The following LAMA2 variants were observed in gnomAD, a reference collection of about 807,000 sequenced individuals.
LAMA2 encodes laminin subunit alpha-2.
LAMA2 carries 269 observed loss-of-function variants against 364.8 expected under a neutral mutation model. The ratio of observed to expected loss-of-function variants is 0.74; its 90% CI spans 0.67 to 0.82. The LOEUF is 0.82. Ranked by LOEUF, LAMA2 falls within the 40% of genes least tolerant of loss-of-function variation. The probability of loss-of-function intolerance (pLI) is 0.00; values close to 1 mark genes in which losing one functional copy is unlikely to be tolerated. For synonymous variants in LAMA2, 1,379 were observed against 1,370.6 expected, an observed-to-expected ratio of 1.01 and a Z score of -0.14; for missense variants, 3,807 against 3,873.2, an observed-to-expected ratio of 0.98 and a Z score of 0.45.
intron 12 of LAMA2, among the ~76,000 whole-genome samples, chr6:129,237,510 A>G (rs1785072727): frequency 6.6e-6 from 1 of 151,624 alleles, no homozygotes; most frequent in Admixed American, 6.6e-5. Flanking sequence ...TAATTTTTGT[A>G]TTTTTAGTAG....
chr6:129,066,459 A>G (rs1789360938), intron 3 of LAMA2, among the ~76,000 whole-genome samples: 1 of 152,210 alleles, frequency 6.6e-6, no homozygotes, highest in Non-Finnish European at 1.5e-5. Flanking sequence ...TAAATGGGAA[A>G]ACATCCTGTG....
At chr6:129,154,922 A>C (rs1226295261) in intron 8 of LAMA2, among the ~76,000 whole-genome samples, 2 of 152,194 alleles carry the variant, frequency 1.3e-5, no homozygotes, top group Non-Finnish European at 2.9e-5. Context: ...GTGGACCCCT[A>C]GGCAAACTCT....
intron 27 of LAMA2, among the ~76,000 whole-genome samples, chr6:129,316,389 T>A (rs1185978933): frequency 6.6e-6 from 1 of 151,678 alleles, no homozygotes; most frequent in African/African-American, 2.4e-5. Flanking sequence ...GAAAAAAAAA[T>A]ATGGAATTCA....
At position 129,177,774 on chromosome 6, in the gene LAMA2, G is replaced by A. The variant is rs2115016148; in HGVS notation, c.1375G>A (p.Gly459Ser). 6.2e-7 allele frequency: 1 copy of A among 1,613,958 alleles called. No homozygotes were observed. The highest frequency in any genetic ancestry group is 2.2e-5 in the East Asian group (1 of 44,870). The change falls in exon 10 of 65, where the codon GGC (glycine) becomes AGC (serine). Residue 459 changes from glycine to serine, a missense_variant. Gly to Ser is a moderately conservative substitution (Grantham distance 56). Coordinates refer to ENST00000421865, the MANE Select transcript of LAMA2 (RefSeq NM_000426.4). ...GGVSCDRCAR[G>S]YTGYPDCKAC... Reference sequence around the variant, plus strand: ...TGTGAGCTGTGATCGGTGTGCCAGGGGCTACACTGGCTACCCGGACTGCAA... The same window carrying A: ...TGTGAGCTGTGATCGGTGTGCCAGGAGCTACACTGGCTACCCGGACTGCAA...
At chr6:129,513,761 G>C (rs1310459983) in intron 63 of LAMA2, among the ~76,000 whole-genome samples, 1 of 152,092 alleles carries the variant, frequency 6.6e-6, no homozygotes, top group African/African-American at 2.4e-5. Flanking sequence ...AGAACTTCTA[G>C]TCTAAGTTCT....
At chr6:129,423,868 T>C (rs1174024226) in intron 40 of LAMA2, among the ~76,000 whole-genome samples, 2 of 152,080 alleles carry the variant, frequency 1.3e-5, no homozygotes, top group Non-Finnish European at 2.9e-5. Flanking sequence ...GCAATCCCAG[T>C]AAAAATCCTA....
At chr6:129,269,672 A>C (rs868736532) in intron 16 of LAMA2, among the ~76,000 whole-genome samples, 4 of 152,130 alleles carry the variant, frequency 2.6e-5, no homozygotes, top group African/African-American at 9.7e-5. Flanking sequence ...CAGTGAGATA[A>C]CATGCAAATA....
In LAMA2 at chr6:129,147,777, G is replaced by A. The variant is rs189304369; in HGVS notation, c.909+729G>A. Among the ~76,000 whole-genome samples, 10 of 152,028 alleles carry A rather than the reference G, an allele frequency of 6.6e-5. No individual in the cohort carries two copies. In the Middle Eastern group the frequency reaches 0.014, roughly 207 times the overall value. Reference sequence around the variant, plus strand: ...GATTTTTTTTCTCAAATATTGTAATGCAAATGACATTATACTCAAAGCTAG... The same window carrying A: ...GATTTTTTTTCTCAAATATTGTAATACAAATGACATTATACTCAAAGCTAG... On this transcript the variant is annotated intron_variant, in intron 6 of 64. Transcript: ENST00000421865.
intron 35 of LAMA2, among the ~76,000 whole-genome samples, chr6:129,387,583 C>G (rs1204778462): frequency 6.6e-6 from 1 of 152,166 alleles, no homozygotes; most frequent in Non-Finnish European, 1.5e-5. Context: ...ATAAATCATT[C>G]TACTCTAAAG....
intron 55 of LAMA2, among the ~76,000 whole-genome samples, chr6:129,483,997 CA>C (rs1467358476): frequency 1.3e-5 from 2 of 152,026 alleles, no homozygotes; most frequent in Admixed American, 1.3e-4. Context: ...TATGGAAGGA[CA>C]AAAATCTTTA....
chr6:129,112,951 T>C (rs972694427), intron 4 of LAMA2, among the ~76,000 whole-genome samples: 1 of 152,030 alleles, frequency 6.6e-6, no homozygotes, highest in Non-Finnish European at 1.5e-5. Flanking sequence ...AACATACACT[T>C]AGGGAAAACA....
At chr6:129,277,910 A>G (rs1372331902) in intron 17 of LAMA2, among the ~76,000 whole-genome samples, 1 of 152,192 alleles carries the variant, frequency 6.6e-6, no homozygotes, top group African/African-American at 2.4e-5. Context: ...GAATAGCTTT[A>G]AAGTGTCAAG....
chr6:129,178,206 G>C (rs866827469), intron 10 of LAMA2, among the ~76,000 whole-genome samples: 10 of 152,088 alleles, frequency 6.6e-5, no homozygotes, highest in African/African-American at 2.4e-4. Context: ...ATCTACCTTT[G>C]CATCTAATTC....
intron 1 of LAMA2, among the ~76,000 whole-genome samples, chr6:128,944,513 G>A (rs914730072): frequency 5.3e-5 from 8 of 152,126 alleles, no homozygotes; most frequent in Non-Finnish European, 1.2e-4. Context: ...AGATGATTAA[G>A]GCGGGATGCA....
chr6:129,456,678 CAAT>C (rs1359497229), intron 48 of LAMA2, among the ~76,000 whole-genome samples, 184 bp downstream of exon 48: 1 of 152,122 alleles, frequency 6.6e-6, no homozygotes, highest in Admixed American at 6.6e-5. Context: ...CCTGGAAACA[CAAT>C]ATTTTTAAGC....
In LAMA2 at chr6:129,206,082, GAGGA is replaced by G. The variant is rs1344805462; in HGVS notation, c.1782+13237_1782+13240del. Among the ~76,000 whole-genome samples, 324 of 122,022 alleles carry G rather than the reference GAGGA, an allele frequency of 2.7e-3. 3 individuals are homozygous for G. The highest frequency in any genetic ancestry group is 8.7e-3 in the South Asian group (28 of 3,212). 80.1% of individuals were successfully genotyped at this position (122,022 alleles called of 152,430 possible). A position where few individuals can be genotyped will look rare whatever the true frequency, so the allele number is the denominator to read the frequency against. ...GAAGGGAAGGGAAAGGAAAGGAAAG[GAGGA>G]AGGAAGGGAGGGAGGGAGGGAGGAA... On this transcript the variant is annotated intron_variant, in intron 12 of 64. Transcript: ENST00000421865.
intron 17 of LAMA2, among the ~76,000 whole-genome samples, chr6:129,275,667 T>C (rs558526679): frequency 3.3e-5 from 5 of 151,338 alleles, no homozygotes; most frequent in African/African-American, 1.2e-4. Context: ...ATTCTTTAAC[T>C]ATTAACTAAA....
At chr6:129,304,414 C>G (rs1773740512) in intron 22 of LAMA2, among the ~76,000 whole-genome samples, 1 of 152,142 alleles carries the variant, frequency 6.6e-6, no homozygotes, top group Admixed American at 6.5e-5. Flanking sequence ...CAGGTGCCCG[C>G]CACTACGCCC....
chr6:129,477,443 TAAAC>T (rs1784122103), intron 53 of LAMA2, among the ~76,000 whole-genome samples: 1 of 152,160 alleles, frequency 6.6e-6, no homozygotes, highest in South Asian at 2.1e-4. Context: ...CTTAATTTAT[TAAAC>T]CTTTGCAATT....
Sources: gnomAD v4.1 joint callset for allele counts (sites outside exome capture counted in the v4.1 genomes callset) on GRCh38, gnomAD v4.1.1 for gene constraint, MANE v1.5 for transcripts, NCBI Gene and HGNC (gene_info 2026-07-23, HGNC 2026-07-21) for gene names.